The following TAFA4 variants were observed in gnomAD, a reference collection of about 807,000 sequenced individuals.
The protein encoded by TAFA4 is chemokine-like protein TAFA-4.
Under a neutral mutation model 21.1 loss-of-function variants are expected in TAFA4, and 20 were observed. The ratio of observed to expected loss-of-function variants is 0.95; its 90% CI spans 0.67 to 1.38. TAFA4 has a LOEUF of 1.38. Among genes scored for constraint, TAFA4 ranks in the 40% most tolerant of loss-of-function variants. The pLI is 0.00. For synonymous variants in TAFA4, 71 were observed against 67.4 expected (o/e 1.05, Z -0.26); for missense variants, 211 against 180.9 (o/e 1.17, Z -0.95).
chr3:68,844,493 A>C (rs1380303007), intron 3 of TAFA4, among the ~76,000 whole-genome samples: 1 of 148,650 alleles, frequency 6.7e-6, no homozygotes, highest in Non-Finnish European at 1.5e-5. Flanking sequence ...TACTTTTTTG[A>C]AGGGTTTTTC....
rs1703938109 is a variant in TAFA4 at position 68,815,062 on chromosome 3, G to A, written c.131-62044C>T. Among the ~76,000 whole-genome samples the A allele has an allele frequency of 2.0e-5, 3 of 152,202 alleles. No individual in the cohort carries two copies. The South Asian group carries it at 6.2e-4, about 32-fold the overall frequency. On this transcript the variant is annotated intron_variant, in intron 3 of 5. Coordinates refer to ENST00000295569, the MANE Select transcript of TAFA4 (RefSeq NM_182522.5). Reference sequence around the variant, plus strand: ...AAACCTGACAAAAACAAGAAATGGGGAAAGGATTCTCTATTTAATAAATGG... The same window carrying A: ...AAACCTGACAAAAACAAGAAATGGGAAAAGGATTCTCTATTTAATAAATGG...
intron 3 of TAFA4, among the ~76,000 whole-genome samples, chr3:68,879,361 A>G (rs944751324): frequency 2.6e-5 from 4 of 152,194 alleles, no homozygotes; most frequent in Non-Finnish European, 4.4e-5. Flanking sequence ...CCACATGGAC[A>G]TTGCAAGGAT....
At chr3:68,773,587 G>T (rs1295976314) in intron 3 of TAFA4, among the ~76,000 whole-genome samples, 5 of 152,088 alleles carry the variant, frequency 3.3e-5, no homozygotes, top group Non-Finnish European at 4.4e-5. Flanking sequence ...CTGATGACCT[G>T]CCCCCACCTG....
At chr3:68,848,359 C>T (rs1704859474) in intron 3 of TAFA4, among the ~76,000 whole-genome samples, 1 of 152,212 alleles carries the variant, frequency 6.6e-6, no homozygotes, top group African/African-American at 2.4e-5. Flanking sequence ...TCTCTGCTCT[C>T]AGATAGCTAT....
intron 4 of TAFA4, among the ~76,000 whole-genome samples, chr3:68,745,434 A>G (rs1344425890): frequency 2.0e-5 from 3 of 152,202 alleles, no homozygotes; most frequent in Non-Finnish European, 1.5e-5. Context: ...AAATTCGTTT[A>G]AAAGCCCCAT....
At chr3:68,760,442 T>G (rs1263713382) in intron 3 of TAFA4, among the ~76,000 whole-genome samples, 2 of 152,146 alleles carry the variant, frequency 1.3e-5, no homozygotes, top group Non-Finnish European at 2.9e-5. Context: ...AGCATCAGAT[T>G]AGGGAGACTT....
Position 68,885,249 on chromosome 3 carries a change from C to T in TAFA4, c.-61G>A, listed in dbSNP as rs2106956985. The T allele has an allele frequency of 6.5e-7, 1 of 1,539,664 alleles. No individual in the cohort carries two copies. Among genetic ancestry groups the T allele is most frequent in the Non-Finnish European group, 8.9e-7 (1 of 1,120,428 alleles). On this transcript the variant is annotated 5_prime_UTR_variant, in exon 2 of 6. Coordinates refer to ENST00000295569, the MANE Select transcript of TAFA4 (RefSeq NM_182522.5). Reference sequence around the variant, plus strand: ...ATATATTTCAGAGTGACTCCAAATTCCCATCTGTTGCTAGAACCAATCATT... The same window carrying T: ...ATATATTTCAGAGTGACTCCAAATTTCCATCTGTTGCTAGAACCAATCATT...
intron 1 of TAFA4, among the ~76,000 whole-genome samples, chr3:68,889,864 G>C (rs568015063): frequency 1.3e-5 from 2 of 152,256 alleles, no homozygotes; most frequent in East Asian, 3.9e-4. Context: ...TCTTACATTG[G>C]ATCTTGGACC....
intron 3 of TAFA4, among the ~76,000 whole-genome samples, chr3:68,813,821 A>C (rs35445692): frequency 0.66 from 99,778 of 151,746 alleles, 33,315 homozygotes; most frequent in East Asian, 0.98. Flanking sequence ...TTTTATGAGG[A>C]CAGCATCATC....
chr3:68,804,108 A>T (rs1277797674), intron 3 of TAFA4, among the ~76,000 whole-genome samples: 3 of 152,016 alleles, frequency 2.0e-5, no homozygotes, highest in South Asian at 2.1e-4. Flanking sequence ...ACTTTATATA[A>T]TTAAACCATA....
chr3:68,888,982 T>TG (rs2089704385), intron 1 of TAFA4, among the ~76,000 whole-genome samples: 3 of 152,224 alleles, frequency 2.0e-5, no homozygotes, highest in African/African-American at 7.2e-5. Context: ...TCGATAACTT[T>TG]GTGCATGGCA....
intron 1 of TAFA4, among the ~76,000 whole-genome samples, chr3:68,925,286 G>A (rs2090097481): frequency 6.6e-6 from 1 of 152,152 alleles, no homozygotes; most frequent in African/African-American, 2.4e-5. Flanking sequence ...CTGATGTGAA[G>A]CCGAGTTGCA....
intron 3 of TAFA4, among the ~76,000 whole-genome samples, chr3:68,771,380 A>T (rs1438837396): frequency 6.6e-6 from 1 of 152,176 alleles, no homozygotes; most frequent in Non-Finnish European, 1.5e-5. Flanking sequence ...ACACCCCTAG[A>T]CACTGCCATG....
intron 3 of TAFA4, among the ~76,000 whole-genome samples, chr3:68,816,073 C>T (rs980809628): frequency 1.3e-5 from 2 of 151,994 alleles, no homozygotes; most frequent in Admixed American, 6.6e-5. Flanking sequence ...GGACAAAAAA[C>T]CAAACACCGC....
Position 68,897,153 on chromosome 3 carries a change from C to T in TAFA4, c.-122-11843G>A, listed in dbSNP as rs540669366. ...ATGACCTCAAGTGATCCGCCCGCCT[C>T]GACCTCCCAAAGTGCTGGGATTACA... On this transcript the variant is annotated intron_variant, in intron 1 of 5. Coordinates refer to ENST00000295569, the MANE Select transcript of TAFA4 (RefSeq NM_182522.5). 3.3e-5 allele frequency among the ~76,000 whole-genome samples: 5 copies of T among 152,078 alleles called. No individual in the cohort carries two copies. The South Asian group carries it at 8.3e-4, about 25-fold the overall frequency.
chr3:68,740,619 A>G (rs6800009), intron 4 of TAFA4, among the ~76,000 whole-genome samples: 45,800 of 151,966 alleles, frequency 0.3, 7,707 homozygotes, highest in East Asian at 0.69. Context: ...TGGCTTGCAA[A>G]TATTTTCTAC....
chr3:68,761,025 G>A (rs865975104), intron 3 of TAFA4, among the ~76,000 whole-genome samples: 1 of 152,196 alleles, frequency 6.6e-6, no homozygotes, highest in Admixed American at 6.5e-5. Flanking sequence ...TAAGATGGAA[G>A]TGGATTTATC....
intron 1 of TAFA4, among the ~76,000 whole-genome samples, chr3:68,898,921 G>A (rs1472274769): frequency 6.6e-6 from 1 of 152,130 alleles, no homozygotes; most frequent in East Asian, 1.9e-4. Context: ...AAAAAAGCTT[G>A]AGAAAACAAG....
intron 3 of TAFA4, 81 bp downstream of exon 3, chr3:68,880,649 T>C: frequency 1.8e-6 from 2 of 1,135,304 alleles, no homozygotes; most frequent in Non-Finnish European, 2.7e-6. Context: ...TCACATCAGT[T>C]ATCTGTGTCT....
Sources: allele counts gnomAD v4.1 joint callset (sites outside exome capture counted in the v4.1 genomes callset), GRCh38; gene constraint gnomAD v4.1.1; transcripts MANE v1.5; gene names NCBI Gene and HGNC (gene_info 2026-07-23, HGNC 2026-07-21).